Variants in PARL observed in about 807,000 individuals in gnomAD.
PARL encodes presenilin associated rhomboid like.
In PARL, 44 loss-of-function variants were observed where a neutral mutation model predicts 51.6. The observed-to-expected ratio is 0.85, with a 90% CI of 0.67 to 1.10. PARL has a LOEUF of 1.10. PARL is among the 50% of genes least tolerant of loss of function. The pLI is 0.00. For synonymous variants in PARL, 172 were observed against 164.0 expected (o/e 1.05, Z -0.37); for missense variants, 441 against 469.5 (o/e 0.94, Z 0.56).
intron 4 of PARL, among the ~76,000 whole-genome samples, chr3:183,852,917 G>A (rs1730712180): frequency 6.6e-6 from 1 of 152,038 alleles, no homozygotes; most frequent in African/African-American, 2.4e-5. Context: ...AGGGAAAACT[G>A]GATACCCACA....
At chr3:183,868,607 C>A (rs1444016398) in intron 1 of PARL, among the ~76,000 whole-genome samples, 1 of 152,116 alleles carries the variant, frequency 6.6e-6, no homozygotes. Flanking sequence ...TGGGGTTCTG[C>A]CATGTTGCCC....
intron 7 of PARL, among the ~76,000 whole-genome samples, chr3:183,838,613 C>CT (rs887246013): frequency 5.3e-5 from 8 of 152,258 alleles, no homozygotes; most frequent in African/African-American, 1.7e-4. Context: ...AATGTACTTG[C>CT]TTTGCACCTC....
intron 4 of PARL, chr3:183,846,558 C>T: frequency 1.0e-6 from 1 of 984,250 alleles, no homozygotes; most frequent in South Asian, 4.7e-5. Context: ...AAAGAGTTAA[C>T]ACTGCTAAGT....
chr3:183,840,275 T>A (rs549258405), intron 7 of PARL, among the ~76,000 whole-genome samples: 1 of 152,314 alleles, frequency 6.6e-6, no homozygotes, highest in African/African-American at 2.4e-5. Flanking sequence ...CTCTCTGGTT[T>A]ACGAGGATTG....
chr3:183,865,810 T>C (rs1399102953), intron 3 of PARL, among the ~76,000 whole-genome samples: 1 of 152,030 alleles, frequency 6.6e-6, no homozygotes, highest in Non-Finnish European at 1.5e-5. Flanking sequence ...TCCACTGAGA[T>C]CCTTAAACTT....
intron 1 of PARL, among the ~76,000 whole-genome samples, chr3:183,882,980 T>C (rs1168512368): frequency 1.3e-5 from 2 of 152,356 alleles, no homozygotes; most frequent in East Asian, 3.9e-4. Flanking sequence ...AAGAACTTAT[T>C]ACCAGAGGCA....
At chr3:183,884,690 A>G (rs1312427656) in intron 1 of PARL, 32 bp downstream of exon 1, 1 of 1,577,004 alleles carries the variant, frequency 6.3e-7, no homozygotes, top group Admixed American at 1.8e-5. Context: ...AGGGACCAAG[A>G]GGCGAGAAGA....
chr3:183,851,730 GAAGTA>G (rs1379555023), intron 4 of PARL, among the ~76,000 whole-genome samples: 1 of 152,114 alleles, frequency 6.6e-6, no homozygotes, highest in African/African-American at 2.4e-5. Context: ...AATGGGAAAG[GAAGTA>G]AATAGACAGT....
At chr3:183,878,024 C>T (rs1424433356) in intron 1 of PARL, among the ~76,000 whole-genome samples, 2 of 152,284 alleles carry the variant, frequency 1.3e-5, no homozygotes, top group East Asian at 3.9e-4. Flanking sequence ...CTCCTGAGCT[C>T]AAGTGATCCA....
At chr3:183,829,839 C>G in intron 9 of PARL, 130 bp from the exon 10 acceptor site, 1 of 780,612 alleles carries the variant, frequency 1.3e-6, no homozygotes, top group South Asian at 1.4e-5. Flanking sequence ...TTAAAACTGA[C>G]TCACATCGAG....
intron 5 of PARL, chr3:183,843,359 C>T: frequency 2.2e-6 from 2 of 909,542 alleles, no homozygotes; most frequent in Non-Finnish European, 2.6e-6. Flanking sequence ...GCACTAAAAA[C>T]AAAAAAAATT....
intron 1 of PARL, among the ~76,000 whole-genome samples, chr3:183,877,128 C>A (rs367969952): frequency 6.6e-6 from 1 of 152,094 alleles, no homozygotes; most frequent in African/African-American, 2.4e-5. Flanking sequence ...GCAGGAGAAT[C>A]GCTTGAACTA....
intron 1 of PARL, 23 bp downstream of exon 1, chr3:183,884,699 G>A (rs913257123): frequency 1.3e-5 from 21 of 1,581,796 alleles, no homozygotes; most frequent in Non-Finnish European, 1.8e-5. Flanking sequence ...GAGGCGAGAA[G>A]ACCAGAGCGC....
chr3:183,866,914 C>CTTTT (rs59742348), intron 2 of PARL, 149 bp from the exon 3 acceptor site: 18 of 582,088 alleles, frequency 3.1e-5, no homozygotes, highest in African/African-American at 1.3e-4. Flanking sequence ...GTGAAAAGGG[C>CTTTT]TTTTTTTTTT....
chr3:183,884,625 G>A, intron 1 of PARL, 97 bp downstream of exon 1: 2 of 1,245,936 alleles, frequency 1.6e-6, no homozygotes, highest in South Asian at 1.3e-5. Context: ...GTGAGCTGGG[G>A]CCAGCACAAG....
intron 9 of PARL, among the ~76,000 whole-genome samples, chr3:183,832,514 TG>T (rs1560367431): frequency 6.6e-6 from 1 of 152,130 alleles, no homozygotes; most frequent in Non-Finnish European, 1.5e-5. Flanking sequence ...CCACTGCACC[TG>T]GCCAGAATAG....
intron 4 of PARL, among the ~76,000 whole-genome samples, chr3:183,848,243 A>G (rs1259180295): frequency 6.6e-6 from 1 of 152,180 alleles, no homozygotes. Flanking sequence ...TTGTTTGTTT[A>G]TTCATTTTTT....
rs1428836957 is a variant in PARL, at chr3:183,842,460, G to A, written c.608-13C>T. On this transcript the variant is annotated splice_polypyrimidine_tract_variant and intron_variant, in intron 5 of 9. Coordinates refer to ENST00000317096, the MANE Select transcript of PARL (RefSeq NM_018622.7). ...GAACAAAGGACCTCTACAAGAGAGA[G>A]AAACATAGTCTGGTAATCATGAAAC... is the stretch of plus-strand genomic sequence containing the variant. The A allele has an allele frequency of 6.2e-7, 1 of 1,610,328 alleles. No homozygotes were observed. Among genetic ancestry groups the A allele is most frequent in the East Asian group, 2.2e-5 (1 of 44,852 alleles).
chr3:183,854,685 C>T (rs1730934876), intron 4 of PARL, among the ~76,000 whole-genome samples: 1 of 147,236 alleles, frequency 6.8e-6, no homozygotes, highest in Admixed American at 6.9e-5. Flanking sequence ...ATACTGAACT[C>T]TACTGAACTA....
Sources: gnomAD v4.1 joint callset for allele counts (sites outside exome capture counted in the v4.1 genomes callset) on GRCh38, gnomAD v4.1.1 for gene constraint, MANE v1.5 for transcripts, NCBI Gene and HGNC (gene_info 2026-07-23, HGNC 2026-07-21) for gene names.